The following LPCAT3 variants were observed in gnomAD, a reference collection of about 807,000 sequenced individuals.
LPCAT3 encodes lysophosphatidylcholine acyltransferase 3, also known as lysophospholipid acyltransferase 5.
Under a neutral mutation model 63.4 loss-of-function variants are expected in LPCAT3, and 21 were observed. That is an observed-to-expected ratio of 0.33 (90% confidence interval 0.23 to 0.48). LPCAT3 has a LOEUF of 0.48. Ranked by LOEUF, LPCAT3 falls within the 20% of genes least tolerant of loss-of-function variation. The probability of loss-of-function intolerance (pLI) is 0.99; values close to 1 mark genes in which losing one functional copy is unlikely to be tolerated. For synonymous variants in LPCAT3, 242 were observed against 227.5 expected, an observed-to-expected ratio of 1.06 and a Z score of -0.58; for missense variants, 451 against 590.6, an observed-to-expected ratio of 0.76 and a Z score of 2.45.
intron 1 of LPCAT3, among the ~76,000 whole-genome samples, chr12:7,002,307 T>C (rs1312487994): frequency 2.0e-5 from 3 of 152,238 alleles, no homozygotes; most frequent in Non-Finnish European, 2.9e-5. Flanking sequence ...CCAACCAGTA[T>C]GTGGTAACCT....
rs782490860 is a variant in LPCAT3, at chr12:6,978,666, GC to G, written c.809del (p.Cys270SerfsTer5). On this transcript the variant is annotated frameshift_variant, in exon 8 of 13. Transcript: ENST00000261407. LOFTEE classifies it high-confidence loss of function. ...DYDNHPFWFR[C>X]MYMLIWGKFV... is the part of the protein sequence containing the mutation. ...ACTTGCCCCAGATCAGCATGTACAT[GC>G]AGCGGAACCAGAAGGGGTGGTTCTT... 9.9e-6 allele frequency: 16 copies of G among 1,614,060 alleles called. No homozygotes were observed.
At chr12:6,997,604 G>A (rs1316121527) in intron 1 of LPCAT3, among the ~76,000 whole-genome samples, 1 of 133,666 alleles carries the variant, frequency 7.5e-6, no homozygotes, top group Non-Finnish European at 1.6e-5. Flanking sequence ...TTTTTTTTTT[G>A]AGATGGAGTT....
chr12:7,006,523 G>T (rs1435071204), intron 1 of LPCAT3, among the ~76,000 whole-genome samples: 4 of 152,076 alleles, frequency 2.6e-5, no homozygotes, highest in African/African-American at 9.7e-5. Context: ...CTGGCCGATG[G>T]TATACATTTT....
chr12:6,984,346 G>A (rs1282512517), intron 1 of LPCAT3, among the ~76,000 whole-genome samples: 7 of 152,144 alleles, frequency 4.6e-5, no homozygotes, highest in Admixed American at 6.5e-5. Context: ...AATTAAAAAC[G>A]GTCAATAAAA....
At chr12:7,011,663 A>G (rs1565606810) in intron 1 of LPCAT3, among the ~76,000 whole-genome samples, 1 of 151,578 alleles carries the variant, frequency 6.6e-6, no homozygotes, top group African/African-American at 2.4e-5. Flanking sequence ...AAAAAAAAAA[A>G]AAAAAGAAAG....
At chr12:7,003,065 C>T (rs1946700447) in intron 1 of LPCAT3, among the ~76,000 whole-genome samples, 2 of 152,128 alleles carry the variant, frequency 1.3e-5, no homozygotes, top group Non-Finnish European at 2.9e-5. Context: ...TATATACCAA[C>T]ATACATTTGT....
intron 1 of LPCAT3, among the ~76,000 whole-genome samples, chr12:6,986,471 G>GT (rs1946526949): frequency 6.6e-6 from 1 of 152,066 alleles, no homozygotes; most frequent in East Asian, 1.9e-4. Flanking sequence ...TCTATTAGTA[G>GT]TTAAGTTTTT....
intron 1 of LPCAT3, among the ~76,000 whole-genome samples, chr12:7,010,181 C>T (rs1310143326): frequency 6.6e-6 from 1 of 152,322 alleles, no homozygotes; most frequent in Non-Finnish European, 1.5e-5. Context: ...TTACGATCTT[C>T]TATTGTTCTG....
rs2138330178 is a variant in LPCAT3 at position 6,979,594 on chromosome 12, G to A, written c.678-15C>T. 1 of 1,551,310 alleles carries A rather than the reference G, an allele frequency of 6.4e-7. No individual in the cohort carries two copies. The highest frequency in any genetic ancestry group is 8.9e-7 in the Non-Finnish European group (1 of 1,122,802). ...CAGGAATGATGCTGGAAAGGAACGAGTGAAGTTCCTGGTCACAGAGAGCAG... is the reference window on the plus strand; with the variant it reads ...CAGGAATGATGCTGGAAAGGAACGAATGAAGTTCCTGGTCACAGAGAGCAG... On this transcript the variant is annotated splice_polypyrimidine_tract_variant and intron_variant, in intron 6 of 12. Coordinates refer to ENST00000261407, the MANE Select transcript of LPCAT3 (RefSeq NM_005768.6).
rs1452024220 is a variant in LPCAT3, at chr12:7,017,920, A to G, written c.151+354T>C. Among the ~76,000 whole-genome samples the G allele has an allele frequency of 1.3e-5, 2 of 152,202 alleles. No homozygotes were observed. The highest frequency in any genetic ancestry group is 2.9e-5 in the Non-Finnish European group (2 of 68,042). On this transcript the variant is annotated intron_variant, in intron 1 of 12. Coordinates refer to ENST00000261407, the MANE Select transcript of LPCAT3 (RefSeq NM_005768.6). The surrounding 1 kb of genome is among the most constrained non-coding windows in gnomAD (Gnocchi z 4.1). The stretch of plus-strand genomic sequence containing the variant: ...TGCGCGCGTGTGCGGGGTGGTTATT[A>G]ATGACAGAGCAGGACACATGGCCAG...
chr12:7,011,104 G>A (rs11609726), intron 1 of LPCAT3, among the ~76,000 whole-genome samples: 42,416 of 151,954 alleles, frequency 0.28, 7,763 homozygotes, highest in Non-Finnish European at 0.41. Flanking sequence ...CAGCCTCAAC[G>A]TCCTGAGTTG....
intron 1 of LPCAT3, among the ~76,000 whole-genome samples, chr12:6,995,347 G>A (rs1946627760): frequency 6.6e-6 from 1 of 151,974 alleles, no homozygotes; most frequent in Admixed American, 6.6e-5. Context: ...GGTGGTGCAT[G>A]CCTGTAATCC....
At chr12:7,009,904 G>T (rs1194601397) in intron 1 of LPCAT3, among the ~76,000 whole-genome samples, 1 of 152,144 alleles carries the variant, frequency 6.6e-6, no homozygotes, top group African/African-American at 2.4e-5. Context: ...AGTTATGAAT[G>T]AAATATAAAT....
chr12:6,980,287 C>T (rs1335124961), intron 6 of LPCAT3, among the ~76,000 whole-genome samples: 2 of 152,112 alleles, frequency 1.3e-5, no homozygotes, highest in African/African-American at 2.4e-5. Flanking sequence ...CAGTGATCCT[C>T]CTGCCTTGGC....
chr12:6,981,503 C>T (rs781831847), intron 5 of LPCAT3, 92 bp downstream of exon 5: 38 of 1,270,572 alleles, frequency 3.0e-5, no homozygotes, highest in African/African-American at 2.2e-4. Context: ...GGAGAGGCTC[C>T]GCTCTGGAAT....
At chr12:6,991,372 T>G (rs1415268092) in intron 1 of LPCAT3, among the ~76,000 whole-genome samples, 1 of 152,248 alleles carries the variant, frequency 6.6e-6, no homozygotes, top group African/African-American at 2.4e-5. Context: ...CTCTTGCACT[T>G]TGAATGGATA....
intron 1 of LPCAT3, among the ~76,000 whole-genome samples, chr12:6,990,525 TAAAATAAATAAA>T (rs1565601251): frequency 8.4e-6 from 1 of 118,864 alleles, no homozygotes; most frequent in African/African-American, 3.3e-5. Context: ...AAAATTAAAA[TAAAATAAATAAA>T]TAAATAAATA....
At chr12:6,982,181 T>C (rs1009152311) in intron 3 of LPCAT3, among the ~76,000 whole-genome samples, 3 of 152,108 alleles carry the variant, frequency 2.0e-5, no homozygotes, top group Non-Finnish European at 2.9e-5. Context: ...TGTTTCACCA[T>C]GTTGCCCAGG....
intron 1 of LPCAT3, among the ~76,000 whole-genome samples, chr12:6,989,466 ACGCC>A (rs1424698222): frequency 6.6e-6 from 1 of 151,672 alleles, no homozygotes; most frequent in Non-Finnish European, 1.5e-5. Flanking sequence ...GCCCGCCATC[ACGCC>A]CAGCTAATTT....
Sources: gnomAD v4.1 joint callset for allele counts (sites outside exome capture counted in the v4.1 genomes callset) on GRCh38, gnomAD v4.1.1 for gene constraint, Gnocchi (gnomAD v3.1) non-coding constraint, MANE v1.5 for transcripts, NCBI Gene and HGNC (gene_info 2026-07-23, HGNC 2026-07-21) for gene names.